DGKG: variants seen among roughly 807,000 people sequenced by gnomAD.
DGKG encodes the protein diacylglycerol kinase gamma.
Under a neutral mutation model 105.3 loss-of-function variants are expected in DGKG, and 78 were observed. The ratio of observed to expected loss-of-function variants is 0.74; its 90% CI spans 0.62 to 0.89. DGKG has a LOEUF of 0.89. DGKG is among the 40% of genes least tolerant of loss of function. DGKG has a pLI of 0.00. For missense variants in DGKG, 958 were observed against 1,020.1 expected, an observed-to-expected ratio of 0.94 and a Z score of 0.83; for synonymous variants, 346 against 367.1, an observed-to-expected ratio of 0.94 and a Z score of 0.66.
At chr3:186,278,418 T>G (rs1469564041) in intron 9 of DGKG, among the ~76,000 whole-genome samples, 3 of 152,098 alleles carry the variant, frequency 2.0e-5, no homozygotes, top group African/African-American at 7.2e-5. Flanking sequence ...CAAGGGATCA[T>G]TGGGTGAGAG....
intron 22 of DGKG, among the ~76,000 whole-genome samples, chr3:186,167,979 C>T (rs576312490): frequency 1.3e-5 from 2 of 152,250 alleles, no homozygotes; most frequent in Non-Finnish European, 2.9e-5. Context: ...TCTGCTGGGG[C>T]AAAGTACAGA....
At chr3:186,302,621 C>CCTATAT (rs58362317) in intron 3 of DGKG, among the ~76,000 whole-genome samples, 58,320 of 139,334 alleles carry the variant, frequency 0.42, 13,115 homozygotes, top group Non-Finnish European at 0.5. Context: ...TGTGTATATA[C>CCTATAT]CTATATCTAT....
chr3:186,355,244 C>T (rs1272699473), intron 1 of DGKG, among the ~76,000 whole-genome samples: 10 of 151,966 alleles, frequency 6.6e-5, no homozygotes, highest in African/African-American at 9.7e-5. Context: ...CTACCATCAC[C>T]GCTACCACCA....
chr3:186,263,623 A>G (rs1476573537), intron 14 of DGKG, among the ~76,000 whole-genome samples: 1 of 151,356 alleles, frequency 6.6e-6, no homozygotes, highest in African/African-American at 2.4e-5. Flanking sequence ...ACCATGTACT[A>G]TCTTCTGGAG....
chr3:186,275,752 C>T (rs1722552511), intron 9 of DGKG, 88 bp from the exon 10 acceptor site: 1 of 841,372 alleles, frequency 1.2e-6, no homozygotes, highest in Admixed American at 2.6e-5. Context: ...TCTTCCTTTT[C>T]ATCTCATTTA....
intron 1 of DGKG, among the ~76,000 whole-genome samples, chr3:186,326,832 T>C (rs1490530150): frequency 1.2e-4 from 18 of 152,264 alleles, no homozygotes; most frequent in Non-Finnish European, 1.5e-5. Context: ...CTGATTCTTT[T>C]TCAGTATGGT....
chr3:186,232,875 A>G (rs918721476), intron 20 of DGKG, among the ~76,000 whole-genome samples: 4 of 152,236 alleles, frequency 2.6e-5, no homozygotes, highest in African/African-American at 9.6e-5. Context: ...TGGCTTCTGA[A>G]TCATCTAACA....
At chr3:186,225,825 G>C (rs1469093768) in intron 20 of DGKG, among the ~76,000 whole-genome samples, 1 of 152,198 alleles carries the variant, frequency 6.6e-6, no homozygotes, top group Non-Finnish European at 1.5e-5. Flanking sequence ...CTTCAAAAGT[G>C]TCTCCGCTAC....
chr3:186,320,295 T>A (rs1205193360), intron 2 of DGKG, 98 bp downstream of exon 2: 2 of 1,439,706 alleles, frequency 1.4e-6, no homozygotes, highest in Non-Finnish European at 1.9e-6. Context: ...GACATCATTC[T>A]TTGTGGCTTT....
intron 5 of DGKG, among the ~76,000 whole-genome samples, chr3:186,296,078 C>T (rs1014414695): frequency 2.7e-5 from 4 of 148,682 alleles, no homozygotes; most frequent in Non-Finnish European, 4.4e-5. Flanking sequence ...CACTGCACTC[C>T]AGCCTGGGGG....
chr3:186,274,066 C>T (rs1722461004), intron 10 of DGKG, among the ~76,000 whole-genome samples: 1 of 152,184 alleles, frequency 6.6e-6, no homozygotes, highest in African/African-American at 2.4e-5. Flanking sequence ...CTGCTTTTTC[C>T]TCTACCACTT....
intron 1 of DGKG, among the ~76,000 whole-genome samples, chr3:186,342,149 TA>T (rs1247591670): frequency 2.0e-5 from 3 of 152,126 alleles, no homozygotes; most frequent in African/African-American, 7.2e-5. Context: ...ACATGTACCC[TA>T]AAACTTAAAG....
chr3:186,186,053 T>C (rs2018092), intron 22 of DGKG, among the ~76,000 whole-genome samples: 82,282 of 143,860 alleles, frequency 0.57, 23,782 homozygotes, highest in East Asian at 0.71. Context: ...AGCCAACATG[T>C]GCCACTGCAC....
intron 1 of DGKG, among the ~76,000 whole-genome samples, chr3:186,347,547 T>G (rs754833314): frequency 6.6e-6 from 1 of 152,124 alleles, no homozygotes; most frequent in Non-Finnish European, 1.5e-5. Context: ...ACTTTTTATA[T>G]TAATGTTTCC....
chr3:186,303,984 G>A lies in DGKG; in HGVS notation c.144+2917C>T, dbSNP rs191444047. Among the ~76,000 whole-genome samples, 192 of 152,342 alleles carry A rather than the reference G, an allele frequency of 1.3e-3. 2 individuals carry two copies. The highest frequency in any genetic ancestry group is 4.3e-3 in the African/African-American group (180 of 41,574). On this transcript the variant is annotated intron_variant, in intron 3 of 24. Transcript: ENST00000265022. Reference sequence around the variant, plus strand: ...ACACCTACTAGAAGTCAGCTGCACTGTGTGAGAGAACGAAATCAGAGTGAC... The same window carrying A: ...ACACCTACTAGAAGTCAGCTGCACTATGTGAGAGAACGAAATCAGAGTGAC...
At chr3:186,207,589 A>G (rs1718808014) in intron 21 of DGKG, 1 of 577,958 alleles carries the variant, frequency 1.7e-6, no homozygotes, top group East Asian at 1.4e-4. Flanking sequence ...CTTGGGAGGT[A>G]GACTAACCCC....
chr3:186,264,257 C>CTTTTCTTTTTCTTTTTCT (rs143674759), intron 14 of DGKG, among the ~76,000 whole-genome samples: 2 of 150,364 alleles, frequency 1.3e-5, no homozygotes, highest in South Asian at 2.1e-4. Flanking sequence ...TTATGTTTCA[C>CTTTTCTTTTTCTTTTTCT]TTTTCTTTTT....
chr3:186,160,784 T>C lies in DGKG; in HGVS notation c.2277+819A>G, dbSNP rs969752281. ...GAGGCCCTGAAAACCAGGACGACGA[T>C]TGCTCTTCACCACGAGATTCTAGCT... On this transcript the variant is annotated intron_variant, in intron 24 of 24. Transcript: ENST00000265022. The C allele has an allele frequency of 4.1e-6, 4 of 985,306 alleles. No homozygotes were observed. The African/African-American group carries it at 7.0e-5, about 17-fold the overall frequency. The allele number at this position is 985,306 out of a possible 1,614,324, so 61.0% of individuals were successfully genotyped here. A position where few individuals can be genotyped will look rare whatever the true frequency, so the allele number is the denominator to read the frequency against.
intron 22 of DGKG, among the ~76,000 whole-genome samples, chr3:186,179,165 T>C (rs1717239028): frequency 6.6e-6 from 1 of 152,174 alleles, no homozygotes; most frequent in South Asian, 2.1e-4. Flanking sequence ...AGTGCAGGGA[T>C]TGACTAACCA....
Sources: allele counts gnomAD v4.1 joint callset (sites outside exome capture counted in the v4.1 genomes callset), GRCh38; gene constraint gnomAD v4.1.1; transcripts MANE v1.5; gene names NCBI Gene and HGNC (gene_info 2026-07-23, HGNC 2026-07-21).